Variants in AKR1C8 observed in about 807,000 individuals in gnomAD.
AKR1C8 encodes aldo-keto reductase family 1 member C8.
chr10:5,125,145 A>G, the AKR1C8 span, among the ~76,000 whole-genome samples: 2 of 152,072 alleles, frequency 1.3e-5, no homozygotes, highest in Non-Finnish European at 2.9e-5. Context: ...CACATCTTTT[A>G]TTAGGTATAC....
the AKR1C8 span, among the ~76,000 whole-genome samples, chr10:5,135,777 T>G: frequency 6.6e-6 from 1 of 152,172 alleles, no homozygotes; most frequent in South Asian, 2.1e-4. Flanking sequence ...AAGGAATGAC[T>G]AGTAAGCATT....
the AKR1C8 span, among the ~76,000 whole-genome samples, chr10:5,124,069 C>T: frequency 6.6e-6 from 1 of 152,130 alleles, no homozygotes; most frequent in Non-Finnish European, 1.5e-5. Context: ...TATCTAACTA[C>T]CTTTGACCAC....
the AKR1C8 span, among the ~76,000 whole-genome samples, chr10:5,140,283 G>T: frequency 6.6e-6 from 1 of 151,868 alleles, no homozygotes; most frequent in Non-Finnish European, 1.5e-5. Context: ...TTGACCCAGC[G>T]ATCCCATTAC....
the AKR1C8 span, among the ~76,000 whole-genome samples, chr10:5,141,836 G>T: frequency 3.3e-5 from 5 of 152,056 alleles, no homozygotes; most frequent in Non-Finnish European, 7.4e-5. Context: ...TCTATTTATA[G>T]AGCATGGTTT....
At chr10:5,149,643 G>T in the AKR1C8 span, among the ~76,000 whole-genome samples, 2 of 152,112 alleles carry the variant, frequency 1.3e-5, no homozygotes, top group Non-Finnish European at 2.9e-5. Flanking sequence ...TAAAAGGACA[G>T]TCTTTCCAAG....
At chr10:5,146,204 TG>T in the AKR1C8 span, among the ~76,000 whole-genome samples, 2 of 37,910 alleles carry the variant, frequency 5.3e-5, no homozygotes, top group Admixed American at 3.9e-4. Flanking sequence ...TGTTGTGGGG[TG>T]GGGGGAGGGG....
chr10:5,174,774 C>CA, the AKR1C8 span, among the ~76,000 whole-genome samples: 4 of 151,158 alleles, frequency 2.6e-5, no homozygotes, highest in East Asian at 7.8e-4. Flanking sequence ...TATGAAAAGA[C>CA]ATAAAAATAA....
At chr10:5,149,749 A>G in the AKR1C8 span, among the ~76,000 whole-genome samples, 1 of 152,162 alleles carries the variant, frequency 6.6e-6, no homozygotes, top group African/African-American at 2.4e-5. Context: ...TTGATAAATT[A>G]TTAGTGTCTT....
chr10:5,177,447 T>G, the AKR1C8 span, among the ~76,000 whole-genome samples: 623 of 152,240 alleles, frequency 4.1e-3, 5 homozygotes, highest in African/African-American at 0.011. Context: ...TCTCTTTTTT[T>G]GTTGTGTCTC....
At chr10:5,127,750 GA>G in the AKR1C8 span, among the ~76,000 whole-genome samples, 1 of 104,072 alleles carries the variant, frequency 9.6e-6, no homozygotes, top group Non-Finnish European at 2.1e-5. Context: ...AAAAAAAAAA[GA>G]AATGAACAAA....
At chr10:5,174,829 A>G in the AKR1C8 span, among the ~76,000 whole-genome samples, 4 of 152,104 alleles carry the variant, frequency 2.6e-5, no homozygotes, top group Non-Finnish European at 5.9e-5. Flanking sequence ...AAAATAAAAT[A>G]AAAATGAAAG....
the AKR1C8 span, among the ~76,000 whole-genome samples, chr10:5,139,184 A>T: frequency 2.0e-5 from 3 of 152,250 alleles, no homozygotes; most frequent in Non-Finnish European, 4.4e-5. Flanking sequence ...TTCCATGCTC[A>T]TGGATAGGAA....
At chr10:5,132,291 A>T in the AKR1C8 span, among the ~76,000 whole-genome samples, 1 of 152,172 alleles carries the variant, frequency 6.6e-6, no homozygotes, top group Non-Finnish European at 1.5e-5. Context: ...GAATTCATTC[A>T]TGTAACCAAA....
At chr10:5,121,998 C>T in the AKR1C8 span, 2 of 236,012 alleles carry the variant, frequency 8.5e-6, no homozygotes, top group South Asian at 4.9e-5. Context: ...TGAATTCAGG[C>T]CTGTCTTCCT....
At chr10:5,147,123 T>G in the AKR1C8 span, among the ~76,000 whole-genome samples, 9 of 152,264 alleles carry the variant, frequency 5.9e-5, no homozygotes, top group Non-Finnish European at 1.0e-4. Flanking sequence ...TAGCATGCGC[T>G]GACGTCAGAT....
the AKR1C8 span, among the ~76,000 whole-genome samples, chr10:5,184,109 A>G: frequency 6.6e-6 from 1 of 152,092 alleles, no homozygotes; most frequent in Non-Finnish European, 1.5e-5. Flanking sequence ...AGGCCAAGCT[A>G]TCACTTCAAC....
At chr10:5,176,693 C>G in the AKR1C8 span, among the ~76,000 whole-genome samples, 4 of 152,156 alleles carry the variant, frequency 2.6e-5, no homozygotes, top group Non-Finnish European at 2.9e-5. Flanking sequence ...AGGTCCTTCA[C>G]ATCCCTTGTA....
chr10:5,137,411 T>G, the AKR1C8 span, among the ~76,000 whole-genome samples: 1 of 151,996 alleles, frequency 6.6e-6, no homozygotes, highest in Non-Finnish European at 1.5e-5. Context: ...AAGATCAAGT[T>G]AGCTTCATCC....
At chr10:5,145,800 G>A in the AKR1C8 span, among the ~76,000 whole-genome samples, 6 of 152,076 alleles carry the variant, frequency 3.9e-5, no homozygotes, top group African/African-American at 1.2e-4. Context: ...CGATTCCTCA[G>A]GGATCTAGAA....
Sources: gnomAD v4.1 joint callset for allele counts (sites outside exome capture counted in the v4.1 genomes callset) on GRCh38, gnomAD v4.1.1 for gene constraint, MANE v1.5 for transcripts, NCBI Gene and HGNC (gene_info 2026-07-23, HGNC 2026-07-21) for gene names.